The following MBOAT2 variants were observed in gnomAD, a reference collection of about 807,000 sequenced individuals.
MBOAT2 encodes membrane bound glycerophospholipid O-acyltransferase 2, also known as membrane-bound glycerophospholipid O-acyltransferase 2.
In MBOAT2, 28 loss-of-function variants were observed where a neutral mutation model predicts 63.4. The ratio of observed to expected loss-of-function variants is 0.44; its 90% confidence interval spans 0.33 to 0.61. The LOEUF (loss-of-function observed/expected upper bound fraction) is 0.61. Ranked by LOEUF, MBOAT2 falls within the 20% of genes least tolerant of loss-of-function variation. The pLI, the probability that MBOAT2 is intolerant of heterozygous loss-of-function variation, is 0.03. For synonymous variants in MBOAT2, 211 were observed against 215.6 expected (o/e 0.98, Z 0.19); for missense variants, 470 against 605.8 (o/e 0.78, Z 2.35).
At chr2:8,935,651 C>T (rs1033442216) in intron 3 of MBOAT2, among the ~76,000 whole-genome samples, 1 of 152,188 alleles carries the variant, frequency 6.6e-6, no homozygotes, top group Non-Finnish European at 1.5e-5. Context: ...AAAAGTTTAC[C>T]TATGTGCCCA....
At chr2:8,927,502 T>A (rs1351444651) in intron 3 of MBOAT2, among the ~76,000 whole-genome samples, 1 of 152,154 alleles carries the variant, frequency 6.6e-6, no homozygotes, top group Non-Finnish European at 1.5e-5. Context: ...TAAGAAATCA[T>A]AACTGCAGTA....
chr2:8,986,392 CCT>C (rs1373716156), intron 1 of MBOAT2, among the ~76,000 whole-genome samples: 1 of 151,632 alleles, frequency 6.6e-6, no homozygotes, highest in Non-Finnish European at 1.5e-5. Context: ...AGTGAAATCC[CCT>C]CTCTCCAAAA....
At chr2:8,939,728 GGA>G (rs886931157) in intron 3 of MBOAT2, among the ~76,000 whole-genome samples, 9 of 152,102 alleles carry the variant, frequency 5.9e-5, no homozygotes, top group African/African-American at 1.9e-4. Context: ...TCCTTTCCCT[GGA>G]GCAATCTTCA....
chr2:8,993,348 A>G (rs1384990922), intron 1 of MBOAT2, among the ~76,000 whole-genome samples: 1 of 152,218 alleles, frequency 6.6e-6, no homozygotes, highest in African/African-American at 2.4e-5. Context: ...TCCTTCAGTG[A>G]GCCTAACCAC....
chr2:8,988,677 G>A (rs1371843811), intron 1 of MBOAT2, among the ~76,000 whole-genome samples: 2 of 152,094 alleles, frequency 1.3e-5, no homozygotes, highest in East Asian at 3.9e-4. Context: ...ACCCTTAGGA[G>A]CTGTATTTGA....
In MBOAT2 at chr2:8,857,695, GTATTAT is replaced by G. The variant is rs1447970637; in HGVS notation, c.*978_*983del. The G allele has an allele frequency of 6.6e-6, 1 of 152,142 alleles. No homozygotes were observed. Among genetic ancestry groups the G allele is most frequent in the Non-Finnish European group, 1.5e-5 (1 of 68,000 alleles). 9.4% of individuals were successfully genotyped at this position (152,142 alleles called of 1,614,324 possible). A position where few individuals can be genotyped will look rare whatever the true frequency, so the allele number is the denominator to read the frequency against. On this transcript the variant is annotated 3_prime_UTR_variant, in exon 13 of 13. Coordinates refer to ENST00000305997, the MANE Select transcript of MBOAT2 (RefSeq NM_138799.4). The stretch of plus-strand genomic sequence containing the variant: ...TTCAAAACCTTTGAGCAACCTACCA[GTATTAT>G]TTTCAAAGCCTCTAATTCTACATAA...
chr2:8,923,935 G>T (rs1262824268), intron 3 of MBOAT2, among the ~76,000 whole-genome samples: 1 of 151,982 alleles, frequency 6.6e-6, no homozygotes, highest in Non-Finnish European at 1.5e-5. Context: ...GGGTTTTTTT[G>T]TAGATCAGCA....
In MBOAT2 at chr2:8,977,497, G is replaced by A. The variant is rs573021774; in HGVS notation, c.76-18855C>T. On this transcript the variant is annotated intron_variant, in intron 1 of 12. Coordinates refer to ENST00000305997, the MANE Select transcript of MBOAT2 (RefSeq NM_138799.4). ...TTTCTTACAAAGGCTCTTAGAACTC[G>A]ATGAACATCTAATTTTTGGAAAGGA... is the stretch of plus-strand genomic sequence containing the variant. 1.1e-4 allele frequency among the ~76,000 whole-genome samples: 17 copies of A among 152,168 alleles called. No homozygotes were observed. In the South Asian group the frequency reaches 3.5e-3, roughly 32 times the overall value.
chr2:8,927,369 G>A (rs1230962709), intron 3 of MBOAT2, among the ~76,000 whole-genome samples: 1 of 152,166 alleles, frequency 6.6e-6, no homozygotes, highest in Non-Finnish European at 1.5e-5. Flanking sequence ...TGTGGGGACA[G>A]AGATAAAGTG....
chr2:8,940,385 C>A (rs950926447), intron 3 of MBOAT2, among the ~76,000 whole-genome samples: 17 of 151,938 alleles, frequency 1.1e-4, no homozygotes, highest in African/African-American at 3.6e-4. Flanking sequence ...TCCGCCTCCC[C>A]GGTTCAAGCA....
chr2:8,904,709 G>A (rs1307948634), intron 4 of MBOAT2, among the ~76,000 whole-genome samples: 2 of 152,010 alleles, frequency 1.3e-5, no homozygotes, highest in African/African-American at 2.4e-5. Flanking sequence ...CACAGGTTCT[G>A]TACATTTCTT....
chr2:8,876,064 T>C (rs902529592), intron 7 of MBOAT2, among the ~76,000 whole-genome samples: 5 of 152,184 alleles, frequency 3.3e-5, no homozygotes, highest in Non-Finnish European at 7.3e-5. Context: ...CTTTCCTTCA[T>C]CTCACAGACT....
At position 8,969,143 on chromosome 2, in the gene MBOAT2, G is replaced by C. The variant is rs2103304276; in HGVS notation, c.76-10501C>G. Among the ~76,000 whole-genome samples, 3 of 152,232 alleles carry C rather than the reference G, an allele frequency of 2.0e-5. 1 individual carries two copies. The highest frequency in any genetic ancestry group is 7.2e-5 in the African/African-American group (3 of 41,520). On this transcript the variant is annotated intron_variant, in intron 1 of 12. Transcript: ENST00000305997. Reference sequence around the variant, plus strand: ...AGAGAAAGGTCGGGTTATCCACAAAGGGAAGCCCATCAGACTAACAGCGGA... The same window carrying C: ...AGAGAAAGGTCGGGTTATCCACAAACGGAAGCCCATCAGACTAACAGCGGA...
chr2:8,884,533 A>AT (rs1318042702), intron 5 of MBOAT2, among the ~76,000 whole-genome samples: 2 of 151,606 alleles, frequency 1.3e-5, no homozygotes, highest in African/African-American at 4.8e-5. Context: ...TAAGTATTCA[A>AT]TTTTTAAAAA....
intron 8 of MBOAT2, among the ~76,000 whole-genome samples, chr2:8,872,506 TCCTGG>T (rs1048223650): frequency 6.6e-6 from 1 of 152,170 alleles, no homozygotes; most frequent in Non-Finnish European, 1.5e-5. Flanking sequence ...GGTCTTGAAC[TCCTGG>T]CCTCAAGTGA....
chr2:8,968,474 C>G (rs1369402584), intron 1 of MBOAT2, among the ~76,000 whole-genome samples: 1 of 152,236 alleles, frequency 6.6e-6, no homozygotes, highest in African/African-American at 2.4e-5. Context: ...CAGAGTGTCT[C>G]TCCCCTTCCA....
At chr2:8,914,410 A>G (rs1397533861) in intron 3 of MBOAT2, among the ~76,000 whole-genome samples, 1 of 152,194 alleles carries the variant, frequency 6.6e-6, no homozygotes, top group Non-Finnish European at 1.5e-5. Flanking sequence ...TAAATAGGAC[A>G]GTAACCAAGC....
At chr2:8,973,582 A>G (rs1337546968) in intron 1 of MBOAT2, among the ~76,000 whole-genome samples, 2 of 151,240 alleles carry the variant, frequency 1.3e-5, no homozygotes, top group Non-Finnish European at 2.9e-5. Flanking sequence ...AATATAAGTC[A>G]TATCACCAAG....
intron 1 of MBOAT2, 41 bp from the exon 2 acceptor site, chr2:8,958,683 C>A (rs1471013028): frequency 6.9e-6 from 10 of 1,448,810 alleles, no homozygotes; most frequent in South Asian, 1.6e-5. Context: ...CAACACAGAC[C>A]TGAATTTTTC....
Sources: gnomAD v4.1 joint callset for allele counts (sites outside exome capture counted in the v4.1 genomes callset) on GRCh38, gnomAD v4.1.1 for gene constraint, MANE v1.5 for transcripts, NCBI Gene and HGNC (gene_info 2026-07-23, HGNC 2026-07-21) for gene names.